ADAM19: variants seen among roughly 807,000 people sequenced by gnomAD.
ADAM19 encodes the protein ADAM metallopeptidase domain 19.
Under a neutral mutation model 114.7 loss-of-function variants are expected in ADAM19, and 65 were observed. The observed-to-expected ratio is 0.57, with a 90% CI of 0.46 to 0.70. The LOEUF (loss-of-function observed/expected upper bound fraction) is 0.70. Ranked by LOEUF, ADAM19 falls within the 30% of genes least tolerant of loss-of-function variation. ADAM19 has a pLI of 0.00. For missense variants in ADAM19, 1,063 were observed against 1,204.7 expected (o/e 0.88, Z 1.74); for synonymous variants, 466 against 460.5 (o/e 1.01, Z -0.15).
chr5:157,531,747 A>G (rs561848746), intron 4 of ADAM19, among the ~76,000 whole-genome samples: 1 of 152,218 alleles, frequency 6.6e-6, no homozygotes, highest in Non-Finnish European at 1.5e-5. Flanking sequence ...TGTCCTTCTA[A>G]CAAGAGGGAA....
At chr5:157,490,023 T>C (rs1175172503) in intron 19 of ADAM19, among the ~76,000 whole-genome samples, 2 of 152,128 alleles carry the variant, frequency 1.3e-5, no homozygotes, top group African/African-American at 4.8e-5. Flanking sequence ...ATAAATCAAC[T>C]AGACAAAGGA....
At chr5:157,551,564 C>G (rs1424343081) in intron 3 of ADAM19, among the ~76,000 whole-genome samples, 1 of 151,662 alleles carries the variant, frequency 6.6e-6, no homozygotes, top group Non-Finnish European at 1.5e-5. Context: ...AAAAAATGGA[C>G]AAATGGGATC....
Position 157,477,504 on chromosome 5 carries a change from T to C in ADAM19, c.*3445A>G. The C allele has an allele frequency of 9.1e-7, 1 of 1,103,066 alleles. No individual in the cohort carries two copies. Among genetic ancestry groups the C allele is most frequent in the Non-Finnish European group, 1.1e-6 (1 of 892,948 alleles). 68.3% of individuals were successfully genotyped at this position (1,103,066 alleles called of 1,614,324 possible). Reference sequence around the variant, plus strand: ...CACATTGCCCTGGATCCCAGACACATACAAACGCACAGTGGACGGTGTGAG... The same window carrying C: ...CACATTGCCCTGGATCCCAGACACACACAAACGCACAGTGGACGGTGTGAG... On this transcript the variant is annotated 3_prime_UTR_variant, in exon 23 of 23. Coordinates refer to ENST00000257527, the MANE Select transcript of ADAM19 (RefSeq NM_033274.5).
chr5:157,491,891 T>C lies in ADAM19; in HGVS notation c.1930A>G (p.Arg644Gly). The part of the protein sequence containing the change: ...YNHICFEGQC[R>G]NTSFFETEGC... ...TCAGTTTCAAAGAAGGAGGTGTTCC[T>C]GCACTGCCCCTCAAAGCAAATCTGC... The change falls in exon 17 of 23, where the codon AGG (arginine) becomes GGG (glycine). Residue 644 changes from arginine to glycine, a missense_variant. This residue lies in a region of ADAM19 where 424 missense variants were observed against 445.5 expected (regional missense o/e 0.95). Coordinates refer to ENST00000257527, the MANE Select transcript of ADAM19 (RefSeq NM_033274.5). 6.2e-7 allele frequency: 1 copy of C among 1,614,214 alleles called. No individual in the cohort carries two copies. Among genetic ancestry groups the C allele is most frequent in the African/African-American group, 1.3e-5 (1 of 75,062 alleles).
intron 3 of ADAM19, among the ~76,000 whole-genome samples, chr5:157,556,631 C>A (rs1757376364): frequency 6.6e-6 from 1 of 152,158 alleles, no homozygotes; most frequent in South Asian, 2.1e-4. Context: ...CCACACCCTG[C>A]AATGAAGGTA....
intron 14 of ADAM19, among the ~76,000 whole-genome samples, chr5:157,495,933 C>CTTTT (rs57078206): frequency 1.4e-4 from 11 of 75,878 alleles, no homozygotes; most frequent in Non-Finnish European, 1.9e-4. Context: ...TGTGCCCAGT[C>CTTTT]TTTTTTTTTT....
intron 21 of ADAM19, among the ~76,000 whole-genome samples, chr5:157,485,096 C>T (rs894124067): frequency 3.9e-5 from 6 of 152,228 alleles, no homozygotes; most frequent in Non-Finnish European, 7.3e-5. Context: ...AAGCCTGACA[C>T]GGGGCGTCAT....
intron 5 of ADAM19, among the ~76,000 whole-genome samples, chr5:157,521,128 C>T (rs912883576): frequency 6.6e-6 from 1 of 152,222 alleles, no homozygotes; most frequent in African/African-American, 2.4e-5. Context: ...TGTTACATCA[C>T]CAAGGCTTCT....
intron 2 of ADAM19, chr5:157,568,267 C>A (rs1757723597): frequency 1.3e-5 from 2 of 152,252 alleles, no homozygotes; most frequent in South Asian, 4.1e-4. Context: ...AGCCACCATG[C>A]CCCGCCAGGA....
In ADAM19 at chr5:157,478,735, T is replaced by C. The variant is rs1033140320; in HGVS notation, c.*2214A>G. On this transcript the variant is annotated 3_prime_UTR_variant, in exon 23 of 23. Coordinates refer to ENST00000257527, the MANE Select transcript of ADAM19 (RefSeq NM_033274.5). Reference sequence around the variant, plus strand: ...CATCTTCCAGTTCACAGTACAACTTTATGGGATGGAGGTGATATGAAAATA... The same window carrying C: ...CATCTTCCAGTTCACAGTACAACTTCATGGGATGGAGGTGATATGAAAATA... The C allele has an allele frequency of 3.0e-6, 3 of 985,706 alleles. No individual in the cohort carries two copies. The highest frequency in any genetic ancestry group is 1.7e-5 in the African/African-American group (1 of 57,212). The allele number at this position is 985,706 out of a possible 1,614,324, so 61.1% of individuals were successfully genotyped here.
At chr5:157,524,024 C>T (rs2113746850) in intron 5 of ADAM19, among the ~76,000 whole-genome samples, 1 of 152,362 alleles carries the variant, frequency 6.6e-6, no homozygotes, top group East Asian at 1.9e-4. Flanking sequence ...TTGCCCATGT[C>T]ACGACTGCAA....
At chr5:157,562,059 T>G (rs972439387) in intron 3 of ADAM19, among the ~76,000 whole-genome samples, 3 of 152,026 alleles carry the variant, frequency 2.0e-5, no homozygotes, top group Non-Finnish European at 4.4e-5. Context: ...TTTGAAAAAT[T>G]AGAAAATCAT....
intron 1 of ADAM19, among the ~76,000 whole-genome samples, chr5:157,572,816 G>A (rs1223574051): frequency 1.3e-5 from 2 of 152,182 alleles, no homozygotes; most frequent in East Asian, 1.9e-4. Flanking sequence ...TTGGAGGTCC[G>A]AGGTGGGCGG....
Position 157,478,904 on chromosome 5 carries a change from T to C in ADAM19, c.*2045A>G. ...TGTCATTTCAGAGCTATCTACCTCC[T>C]GATGTGAGGGAGAAAGGCTGGAGAA... is the stretch of plus-strand genomic sequence containing the variant. On this transcript the variant is annotated 3_prime_UTR_variant, in exon 23 of 23. Transcript: ENST00000257527. 1.0e-6 allele frequency: 1 copy of C among 985,690 alleles called. No individual in the cohort carries two copies. The highest frequency in any genetic ancestry group is 1.2e-6 in the Non-Finnish European group (1 of 829,944). 61.1% of individuals were successfully genotyped at this position (985,690 alleles called of 1,614,324 possible).
At chr5:157,493,941 C>T (rs142594787) in intron 15 of ADAM19, among the ~76,000 whole-genome samples, 6 of 152,322 alleles carry the variant, frequency 3.9e-5, no homozygotes, top group Non-Finnish European at 5.9e-5. Flanking sequence ...CCCTGTTCAC[C>T]GAGGTAACTG....
At chr5:157,486,205 A>C (rs1012412789) in intron 21 of ADAM19, among the ~76,000 whole-genome samples, 3 of 152,152 alleles carry the variant, frequency 2.0e-5, no homozygotes, top group African/African-American at 7.2e-5. Flanking sequence ...ACAACTGTGC[A>C]ATGTCGGGCA....
intron 7 of ADAM19, among the ~76,000 whole-genome samples, chr5:157,516,011 A>G (rs1478177565): frequency 6.6e-6 from 1 of 152,220 alleles, no homozygotes; most frequent in Non-Finnish European, 1.5e-5. Flanking sequence ...TCTGCTCTGC[A>G]TTCAGAGCCC....
At chr5:157,509,762 A>C (rs1755858650) in intron 8 of ADAM19, among the ~76,000 whole-genome samples, 1 of 152,200 alleles carries the variant, frequency 6.6e-6, no homozygotes, top group Non-Finnish European at 1.5e-5. Context: ...AACTGCAGTG[A>C]CTTTGTTTAG....
In ADAM19 at chr5:157,507,032, G is replaced by A. The variant is rs201514678; in HGVS notation, c.990+24C>T. The A allele has an allele frequency of 2.0e-4, 313 of 1,603,200 alleles. 1 individual carries two copies. Among genetic ancestry groups the A allele is most frequent in the East Asian group, 3.1e-4 (14 of 44,810 alleles). Reference sequence around the variant, plus strand: ...AAGGCAGCTCAGCGCCTTCTGCAGCGCACACACACGGGCTGAGACTCACCA... The same window carrying A: ...AAGGCAGCTCAGCGCCTTCTGCAGCACACACACACGGGCTGAGACTCACCA... On this transcript the variant is annotated intron_variant, in intron 10 of 22. Coordinates refer to ENST00000257527, the MANE Select transcript of ADAM19 (RefSeq NM_033274.5).
Sources: allele counts gnomAD v4.1 joint callset (sites outside exome capture counted in the v4.1 genomes callset), GRCh38; gene constraint gnomAD v4.1.1; regional missense constraint gnomAD v4.1.1; transcripts MANE v1.5; gene names NCBI Gene and HGNC (gene_info 2026-07-23, HGNC 2026-07-21).